The following TTLL9 variants were observed in gnomAD, a reference collection of about 807,000 sequenced individuals.
TTLL9 encodes the protein tubulin tyrosine ligase like 9, also known as probable tubulin polyglutamylase TTLL9.
TTLL9 carries 47 observed loss-of-function variants against 65.6 expected under a neutral mutation model. The observed-to-expected ratio is 0.72, with a 90% CI of 0.57 to 0.91. TTLL9 has a LOEUF of 0.91. Among genes scored for constraint, TTLL9 ranks in the 40% least tolerant of loss-of-function variants. The pLI is 0.00. For synonymous variants in TTLL9, 179 were observed against 204.8 expected, an observed-to-expected ratio of 0.87 and a Z score of 1.07; for missense variants, 537 against 568.8, an observed-to-expected ratio of 0.94 and a Z score of 0.57.
At chr20:31,877,857 T>C (rs969816036) in intron 2 of TTLL9, among the ~76,000 whole-genome samples, 1 of 152,228 alleles carries the variant, frequency 6.6e-6, no homozygotes, top group African/African-American at 2.4e-5. Context: ...TTGGGGAAAA[T>C]ACACATCTTT....
rs1278270325 is a variant in TTLL9, at chr20:31,937,593, G to A, written c.1118+84G>A. On this transcript the variant is annotated intron_variant, in intron 13 of 14. Coordinates refer to ENST00000535842, the MANE Select transcript of TTLL9 (RefSeq NM_001008409.5). ...AGGAAGAGGGGGAGCTTAGAACCTT[G>A]GGGCCTGAGTGGCCCTCAGCGATGG... is the stretch of plus-strand genomic sequence containing the variant. 48 of 1,142,008 alleles carry A rather than the reference G, an allele frequency of 4.2e-5. 1 individual carries two copies. In the South Asian group the frequency reaches 4.3e-4, roughly 10 times the overall value. The allele number at this position is 1,142,008 out of a possible 1,614,324, so 70.7% of individuals were successfully genotyped here.
At chr20:31,920,762 A>T (rs2063805106) in intron 7 of TTLL9, 1 of 152,680 alleles carries the variant, frequency 6.5e-6, no homozygotes, top group South Asian at 2.1e-4. Flanking sequence ...GGAAGGGAAG[A>T]CCTGGCTGCT....
At chr20:31,894,098 C>CTTTTTTT (rs1162101774) in intron 3 of TTLL9, among the ~76,000 whole-genome samples, 23 of 92,078 alleles carry the variant, frequency 2.5e-4, no homozygotes, top group Admixed American at 4.2e-4. Flanking sequence ...CCATTTGGTT[C>CTTTTTTT]TTTTTTTTTT....
chr20:31,919,067 C>CT (rs1358945825), intron 6 of TTLL9, among the ~76,000 whole-genome samples: 20 of 152,122 alleles, frequency 1.3e-4, no homozygotes, highest in African/African-American at 4.8e-4. Context: ...GGTAAGATGA[C>CT]TTGGGAGATC....
chr20:31,938,665 G>A (rs952249520), intron 13 of TTLL9, among the ~76,000 whole-genome samples: 1 of 152,166 alleles, frequency 6.6e-6, no homozygotes, highest in African/African-American at 2.4e-5. Context: ...ATCACTTGAG[G>A]TCAGGCGTTT....
intron 2 of TTLL9, among the ~76,000 whole-genome samples, chr20:31,886,103 C>A (rs747237841): frequency 5.9e-5 from 9 of 152,194 alleles, no homozygotes; most frequent in Non-Finnish European, 8.8e-5. Context: ...AGAGCCATAA[C>A]CCCAGCCATC....
rs117269546 is a variant in TTLL9 at position 31,877,817 on chromosome 20, T to G, written c.69+6622T>G. Among the ~76,000 whole-genome samples, 345 of 152,354 alleles carry G rather than the reference T, an allele frequency of 2.3e-3. 17 individuals carry two copies. In the East Asian group the frequency reaches 0.06, roughly 26 times the overall value. On this transcript the variant is annotated intron_variant, in intron 2 of 14. Coordinates refer to ENST00000535842, the MANE Select transcript of TTLL9 (RefSeq NM_001008409.5). ...CATATACACATTGTTCTTTTGATTT[T>G]GACAAGATTTCTCAAAAATCCTGAT...
chr20:31,878,329 G>A (rs1364118240), intron 2 of TTLL9, among the ~76,000 whole-genome samples: 2 of 152,256 alleles, frequency 1.3e-5, no homozygotes, highest in African/African-American at 2.4e-5. Flanking sequence ...GCAACTAGCA[G>A]CATCTTCCAC....
intron 12 of TTLL9, 46 bp downstream of exon 12, chr20:31,934,934 C>T (rs755675574): frequency 5.1e-6 from 8 of 1,559,424 alleles, no homozygotes; most frequent in African/African-American, 1.3e-5. Flanking sequence ...TTTGCATACT[C>T]GGCACCCAGA....
Position 31,909,929 on chromosome 20 carries a change from G to A in TTLL9, c.504+7G>A. 7.7e-7 allele frequency: 1 copy of A among 1,291,492 alleles called. No homozygotes were observed. Among genetic ancestry groups the A allele is most frequent in the African/African-American group, 1.5e-5 (1 of 68,288 alleles). The allele number at this position is 1,291,492 out of a possible 1,614,324, so 80.0% of individuals were successfully genotyped here. A position where few individuals can be genotyped will look rare whatever the true frequency, so the allele number is the denominator to read the frequency against. ...CACCTGGATCATGAAGCCTGTGAGT[G>A]CCCAGTGCCAGGGGCTGGGTGGGAG... On this transcript the variant is annotated splice_region_variant and intron_variant, in intron 6 of 14. Transcript: ENST00000535842.
intron 6 of TTLL9, among the ~76,000 whole-genome samples, chr20:31,915,277 C>T (rs1330733827): frequency 6.6e-6 from 1 of 152,058 alleles, no homozygotes; most frequent in Non-Finnish European, 1.5e-5. Flanking sequence ...GTCAGGAGAT[C>T]GAGACCATCC....
intron 4 of TTLL9, among the ~76,000 whole-genome samples, chr20:31,905,079 C>CT (rs1157337491): frequency 1.5e-4 from 22 of 151,400 alleles, no homozygotes; most frequent in South Asian, 2.1e-4. Context: ...ATGGCCATTT[C>CT]TTTTTTTTTG....
At chr20:31,932,535 C>A (rs2064036236) in intron 10 of TTLL9, among the ~76,000 whole-genome samples, 1 of 149,914 alleles carries the variant, frequency 6.7e-6, no homozygotes, top group Admixed American at 6.7e-5. Flanking sequence ...AAAGAGGATA[C>A]CTTTTCCAGA....
intron 10 of TTLL9, among the ~76,000 whole-genome samples, chr20:31,933,167 C>T (rs1435141022): frequency 1.3e-5 from 2 of 152,164 alleles, no homozygotes; most frequent in African/African-American, 4.8e-5. Context: ...TGTGTGTAAA[C>T]ATGCTCTGTG....
rs865896154 is a variant in TTLL9 at position 31,909,904 on chromosome 20, C to T, written c.486C>T (p.Ile162=). ...AGGAGTTTCGCAAAAACCCAGGAAT[C>T]ACCTGGATCATGAAGCCTGTGAGTG... is the stretch of plus-strand genomic sequence containing the variant. ...FVEEFRKNPG[I]TWIMKPVARS... is the part of the protein sequence containing the mutation. Residue 162 remains isoleucine (I), a synonymous_variant, in exon 6 of 15, where the codon ATC becomes ATT. Transcript: ENST00000535842. The T allele has an allele frequency of 6.2e-7, 1 of 1,611,444 alleles. No individual in the cohort carries two copies. The highest frequency in any genetic ancestry group is 8.5e-7 in the Non-Finnish European group (1 of 1,178,308).
chr20:31,895,790 T>C (rs1299994408), intron 3 of TTLL9, among the ~76,000 whole-genome samples: 2 of 151,970 alleles, frequency 1.3e-5, no homozygotes, highest in African/African-American at 4.8e-5. Context: ...CCCTCTGCCT[T>C]CTGGAACAGT....
intron 3 of TTLL9, among the ~76,000 whole-genome samples, chr20:31,894,455 C>A (rs945866062): frequency 6.6e-6 from 1 of 151,866 alleles, no homozygotes; most frequent in African/African-American, 2.4e-5. Flanking sequence ...TCCCATAAAT[C>A]CTATAACATA....
At chr20:31,873,793 A>AAAGGAAGGAAGGAAGG (rs869090935) in intron 2 of TTLL9, among the ~76,000 whole-genome samples, 44 of 127,634 alleles carry the variant, frequency 3.4e-4, no homozygotes, top group African/African-American at 1.3e-3. Flanking sequence ...AAAAAGAAAG[A>AAAGGAAGGAAGGAAGG]AAGGAAGGAA....
At chr20:31,928,704 A>G (rs1206855927) in intron 10 of TTLL9, among the ~76,000 whole-genome samples, 1 of 152,214 alleles carries the variant, frequency 6.6e-6, no homozygotes, top group Non-Finnish European at 1.5e-5. Flanking sequence ...GTTGAAAGCA[A>G]TGAGATAGGT....
Sources: allele counts gnomAD v4.1 joint callset (sites outside exome capture counted in the v4.1 genomes callset), GRCh38; gene constraint gnomAD v4.1.1; transcripts MANE v1.5; gene names NCBI Gene and HGNC (gene_info 2026-07-23, HGNC 2026-07-21).